Variants in HMBOX1 observed in about 807,000 individuals in gnomAD.
HMBOX1 encodes the protein homeobox-containing protein 1.
HMBOX1 carries 14 observed loss-of-function variants against 54.5 expected under a neutral mutation model. The observed-to-expected ratio is 0.26, with a 90% CI of 0.17 to 0.40. The LOEUF is 0.40. Among genes scored for constraint, HMBOX1 ranks in the 10% least tolerant of loss-of-function variants. HMBOX1 has a pLI of 1.00. For missense variants in HMBOX1, 332 were observed against 514.4 expected, an observed-to-expected ratio of 0.65 and a Z score of 3.43; for synonymous variants, 160 against 181.0, an observed-to-expected ratio of 0.88 and a Z score of 0.93.
rs116617347 is a variant in HMBOX1 at position 29,015,701 on chromosome 8, G to A, written c.698-3059G>A. Reference sequence around the variant, plus strand: ...TTAAATTGTTTAAAGAAGGGTTTCAGTTTAGAATTTCATGTTGGGTAGAGC... The same window carrying A: ...TTAAATTGTTTAAAGAAGGGTTTCAATTTAGAATTTCATGTTGGGTAGAGC... On this transcript the variant is annotated intron_variant, in intron 5 of 9. Coordinates refer to ENST00000287701, the MANE Select transcript of HMBOX1 (RefSeq NM_001135726.3). Among the ~76,000 whole-genome samples the A allele has an allele frequency of 5.7e-3, 869 of 152,268 alleles. 4 individuals are homozygous for A. The highest frequency in any genetic ancestry group is 0.02 in the African/African-American group (843 of 41,560).
At chr8:28,923,953 T>A (rs1209101027) in intron 1 of HMBOX1, among the ~76,000 whole-genome samples, 1 of 152,152 alleles carries the variant, frequency 6.6e-6, no homozygotes, top group African/African-American at 2.4e-5. Flanking sequence ...CATTTTTTAA[T>A]TAGGCTGTTT....
intron 6 of HMBOX1, 45 bp from the exon 7 acceptor site, chr8:29,045,316 G>T (rs1805413261): frequency 6.9e-7 from 1 of 1,445,882 alleles, no homozygotes; most frequent in Admixed American, 1.7e-5. Flanking sequence ...ATGAGAGTAT[G>T]TTTGAAAAAT....
intron 3 of HMBOX1, among the ~76,000 whole-genome samples, chr8:28,971,698 ATATAT>A (rs1827449099): frequency 6.6e-6 from 1 of 152,166 alleles, no homozygotes; most frequent in Non-Finnish European, 1.5e-5. Context: ...AATATGAATA[ATATAT>A]TAGGAGACAA....
chr8:29,032,137 T>A (rs1321779399), intron 6 of HMBOX1, among the ~76,000 whole-genome samples: 2 of 152,220 alleles, frequency 1.3e-5, no homozygotes, highest in African/African-American at 4.8e-5. Flanking sequence ...CCTATTTGTA[T>A]CTATGTGAAG....
chr8:28,907,206 T>A (rs1814509283), intron 1 of HMBOX1, among the ~76,000 whole-genome samples: 1 of 152,328 alleles, frequency 6.6e-6, no homozygotes, highest in East Asian at 1.9e-4. Flanking sequence ...TTGTTGGTAT[T>A]TAAATCACAA....
Position 29,043,401 on chromosome 8 carries a change from C to T in HMBOX1, c.852-1960C>T, listed in dbSNP as rs545049992. 9.8e-5 allele frequency among the ~76,000 whole-genome samples: 15 copies of T among 152,376 alleles called. No individual in the cohort carries two copies. In the East Asian group the frequency reaches 1.9e-3, roughly 20 times the overall value. On this transcript the variant is annotated intron_variant, in intron 6 of 9. Transcript: ENST00000287701. ...AGGCTCCTGCCAACAACACTGAACA[C>T]GCCTTCATCCATGCTGCCTCAGTGC... is the stretch of plus-strand genomic sequence containing the variant.
intron 6 of HMBOX1, among the ~76,000 whole-genome samples, chr8:29,023,348 G>C (rs1021656381): frequency 1.3e-5 from 2 of 152,094 alleles, no homozygotes; most frequent in South Asian, 4.1e-4. Flanking sequence ...ATGCTTTTTA[G>C]TATATTCACA....
intron 1 of HMBOX1, chr8:28,949,718 G>C (rs1439313189): frequency 6.6e-6 from 1 of 152,186 alleles, no homozygotes; most frequent in Non-Finnish European, 1.5e-5. Context: ...CAATTGATAA[G>C]AAACAATCCC....
intron 4 of HMBOX1, among the ~76,000 whole-genome samples, chr8:28,986,952 A>AATAATTTCGGAGG (rs1377062235): frequency 6.6e-6 from 1 of 152,130 alleles, no homozygotes; most frequent in Non-Finnish European, 1.5e-5. Flanking sequence ...TTGGAGTGGA[A>AATAATTTCGGAGG]ATAATTTCGG....
intron 3 of HMBOX1, among the ~76,000 whole-genome samples, chr8:28,978,427 C>G (rs1586232581): frequency 6.6e-6 from 1 of 152,242 alleles, no homozygotes; most frequent in East Asian, 1.9e-4. Context: ...AACTTCTTCT[C>G]TAAAGGACTA....
upstream of HMBOX1, chr8:28,890,313 G>T (rs187194293): frequency 5.8e-6 from 1 of 172,276 alleles, no homozygotes; most frequent in Admixed American, 5.7e-5. Context: ...CCCTCTAGGC[G>T]CCGGGCTCCG....
chr8:28,970,036 T>G lies in HMBOX1; in HGVS notation c.24-7T>G. 1 of 1,550,796 alleles carries G rather than the reference T, an allele frequency of 6.4e-7. No homozygotes were observed. The highest frequency in any genetic ancestry group is 8.9e-7 in the Non-Finnish European group (1 of 1,129,740). On this transcript the variant is annotated splice_region_variant and splice_polypyrimidine_tract_variant and intron_variant, in intron 2 of 9. Transcript: ENST00000287701. The surrounding 1 kb of genome is among the most constrained non-coding windows in gnomAD (Gnocchi z 4.3). ...AAAGAGACTTCTTTTTATCTCTTTT[T>G]TTTTAGTTTGCTGGAAACCATGTCT...
chr8:28,970,201 T>C lies in HMBOX1; in HGVS notation c.182T>C (p.Phe61Ser). ...CTTGATCAAGAGCATAGTGACAAGT[T>C]TGGAAGAAGGTCCAGCTATGGAGGA... ...DRLDQEHSDKFGRRSSYGGSS... is the reference protein window; with the variant it reads ...DRLDQEHSDKSGRRSSYGGSS... The change falls in exon 3 of 10, where the codon TTT (phenylalanine) becomes TCT (serine). Residue 61 changes from phenylalanine (F) to serine (S), a missense_variant. This residue lies in a region of HMBOX1 where 146 missense variants were observed against 173.3 expected (regional missense o/e 0.84). Transcript: ENST00000287701. The surrounding 1 kb of genome is among the most constrained non-coding windows in gnomAD (Gnocchi z 4.3). The C allele has an allele frequency of 6.2e-7, 1 of 1,614,208 alleles. No homozygotes were observed. The highest frequency in any genetic ancestry group is 8.5e-7 in the Non-Finnish European group (1 of 1,180,040).
intron 1 of HMBOX1, among the ~76,000 whole-genome samples, chr8:28,958,471 T>C (rs1454008849): frequency 2.0e-5 from 3 of 152,198 alleles, no homozygotes; most frequent in Admixed American, 6.5e-5. Context: ...CTAATTTTAT[T>C]CGTTTGATTT....
chr8:28,904,529 C>G (rs1813881893), intron 1 of HMBOX1, among the ~76,000 whole-genome samples: 2 of 152,186 alleles, frequency 1.3e-5, no homozygotes, highest in South Asian at 4.1e-4. Context: ...CTGTGCCCAG[C>G]CCATTTCTCC....
intron 1 of HMBOX1, among the ~76,000 whole-genome samples, chr8:28,954,403 A>G (rs1053547187): frequency 6.6e-6 from 1 of 152,084 alleles, no homozygotes; most frequent in Non-Finnish European, 1.5e-5. Flanking sequence ...CATCTCTCCC[A>G]ATGATGGCTT....
At chr8:28,921,317 C>G (rs1817519973) in intron 1 of HMBOX1, among the ~76,000 whole-genome samples, 2 of 152,342 alleles carry the variant, frequency 1.3e-5, no homozygotes, top group South Asian at 4.1e-4. Context: ...GCCTGGGCAA[C>G]AGAGTGAGAC....
At chr8:28,897,318 A>G (rs1008080698) in intron 1 of HMBOX1, among the ~76,000 whole-genome samples, 1 of 151,344 alleles carries the variant, frequency 6.6e-6, no homozygotes, top group Non-Finnish European at 1.5e-5. Flanking sequence ...TAATATTAGG[A>G]CCCATTAAAA....
At chr8:28,987,580 A>G (rs778461401) in intron 4 of HMBOX1, among the ~76,000 whole-genome samples, 2 of 152,156 alleles carry the variant, frequency 1.3e-5, no homozygotes, top group Non-Finnish European at 1.5e-5. Context: ...TAAATTCTAG[A>G]TATGGTCCTT....
Sources: gnomAD v4.1 joint callset for allele counts (sites outside exome capture counted in the v4.1 genomes callset) on GRCh38, gnomAD v4.1.1 for gene constraint, gnomAD v4.1.1 regional missense constraint, Gnocchi (gnomAD v3.1) non-coding constraint, MANE v1.5 for transcripts, NCBI Gene and HGNC (gene_info 2026-07-23, HGNC 2026-07-21) for gene names.